Variants in FBXL7 observed in about 807,000 individuals in gnomAD.
The protein encoded by FBXL7 is F-box/LRR-repeat protein 7.
A neutral mutation model predicts 38.3 loss-of-function variants in FBXL7; 12 were observed. The ratio of observed to expected loss-of-function variants is 0.31; its 90% confidence interval spans 0.20 to 0.51. The LOEUF is 0.51. FBXL7 is among the 20% of genes least tolerant of loss of function. The probability of loss-of-function intolerance (pLI) is 0.98; values close to 1 mark genes in which losing one functional copy is unlikely to be tolerated. For synonymous variants in FBXL7, 297 were observed against 300.9 expected (o/e 0.99, Z 0.13); for missense variants, 567 against 676.4 (o/e 0.84, Z 1.79).
At chr5:15,818,255 A>C (rs1303016449) in intron 2 of FBXL7, among the ~76,000 whole-genome samples, 1 of 152,206 alleles carries the variant, frequency 6.6e-6, no homozygotes, top group African/African-American at 2.4e-5. Context: ...TAGACGCTAG[A>C]GATACAGTGG....
intron 1 of FBXL7, among the ~76,000 whole-genome samples, chr5:15,584,944 C>T (rs575684092): frequency 6.6e-6 from 1 of 152,324 alleles, no homozygotes; most frequent in Non-Finnish European, 1.5e-5. Context: ...CAATCACATA[C>T]TATTACAAAT....
At chr5:15,784,614 CAG>C (rs1737085443) in intron 2 of FBXL7, among the ~76,000 whole-genome samples, 1 of 151,976 alleles carries the variant, frequency 6.6e-6, no homozygotes, top group African/African-American at 2.4e-5. Flanking sequence ...CTTCATGAGA[CAG>C]GGGTTGAGTT....
chr5:15,592,140 A>C (rs770135218), intron 1 of FBXL7, among the ~76,000 whole-genome samples: 4 of 152,186 alleles, frequency 2.6e-5, no homozygotes, highest in Non-Finnish European at 5.9e-5. Flanking sequence ...TACTGTGTTC[A>C]TGCTCTGAGG....
chr5:15,788,240 G>A (rs924917260), intron 2 of FBXL7, among the ~76,000 whole-genome samples: 1 of 152,120 alleles, frequency 6.6e-6, no homozygotes, highest in Non-Finnish European at 1.5e-5. Flanking sequence ...AAAGAAGGTC[G>A]CATCCTGAGG....
intron 2 of FBXL7, among the ~76,000 whole-genome samples, chr5:15,722,681 G>A (rs1206806085): frequency 1.3e-5 from 2 of 152,134 alleles, no homozygotes; most frequent in Non-Finnish European, 2.9e-5. Context: ...CCAGCACTTC[G>A]GGAGGCCGAG....
intron 2 of FBXL7, among the ~76,000 whole-genome samples, chr5:15,769,452 T>C (rs1254862244): frequency 6.6e-6 from 1 of 152,198 alleles, no homozygotes; most frequent in Non-Finnish European, 1.5e-5. Context: ...GAAGCTTTAT[T>C]TTCTAGACTT....
At chr5:15,592,005 C>T (rs903481559) in intron 1 of FBXL7, among the ~76,000 whole-genome samples, 9 of 152,044 alleles carry the variant, frequency 5.9e-5, no homozygotes, top group African/African-American at 2.2e-4. Context: ...CCACCGTGCC[C>T]GAGGTTGGCC....
intron 1 of FBXL7, among the ~76,000 whole-genome samples, chr5:15,521,793 T>A (rs1737102234): frequency 6.6e-6 from 1 of 152,216 alleles, no homozygotes; most frequent in South Asian, 2.1e-4. Context: ...TTCTCCTGCG[T>A]GTACTTAACA....
intron 2 of FBXL7, among the ~76,000 whole-genome samples, chr5:15,703,928 T>C (rs1221362216): frequency 6.6e-6 from 1 of 152,242 alleles, no homozygotes; most frequent in Non-Finnish European, 1.5e-5. Context: ...ACATATGTCA[T>C]GCAGAGCATC....
At chr5:15,534,194 A>T (rs575524408) in intron 1 of FBXL7, among the ~76,000 whole-genome samples, 2 of 152,136 alleles carry the variant, frequency 1.3e-5, no homozygotes, top group African/African-American at 4.8e-5. Flanking sequence ...CCCAAAATCC[A>T]TAGTTTACAT....
intron 2 of FBXL7, among the ~76,000 whole-genome samples, chr5:15,865,684 C>T (rs1324966821): frequency 6.6e-6 from 1 of 152,048 alleles, no homozygotes; most frequent in African/African-American, 2.4e-5. Flanking sequence ...ATTTCTGTCT[C>T]CCTTTTTTCC....
chr5:15,674,788 A>AT (rs1742598736), intron 2 of FBXL7, among the ~76,000 whole-genome samples: 1 of 152,190 alleles, frequency 6.6e-6, no homozygotes, highest in African/African-American at 2.4e-5. Flanking sequence ...CCATCTGTGG[A>AT]TTTTAGTGTT....
chr5:15,897,312 G>A (rs911381293), intron 2 of FBXL7, among the ~76,000 whole-genome samples: 11 of 152,202 alleles, frequency 7.2e-5, no homozygotes, highest in Admixed American at 3.9e-4. Context: ...GCCTTTGTTC[G>A]TCTTACTCAT....
chr5:15,853,970 G>A (rs966685350), intron 2 of FBXL7, among the ~76,000 whole-genome samples: 4 of 152,180 alleles, frequency 2.6e-5, no homozygotes, highest in African/African-American at 9.7e-5. Context: ...CAGTGACAGC[G>A]ATGTAACAGA....
chr5:15,863,051 G>A (rs1739543887), intron 2 of FBXL7, among the ~76,000 whole-genome samples: 1 of 152,088 alleles, frequency 6.6e-6, no homozygotes, highest in Admixed American at 6.6e-5. Context: ...GGGGTATCTC[G>A]GTTGACTGCA....
At chr5:15,803,276 G>C (rs201838778) in intron 2 of FBXL7, among the ~76,000 whole-genome samples, 3 of 151,888 alleles carry the variant, frequency 2.0e-5, no homozygotes, top group South Asian at 4.2e-4. Context: ...GTCATTGTTC[G>C]GTATCACCCA....
chr5:15,881,000 C>G (rs1579562842), intron 2 of FBXL7, among the ~76,000 whole-genome samples: 1 of 151,834 alleles, frequency 6.6e-6, no homozygotes, highest in African/African-American at 2.4e-5. Flanking sequence ...CCCAAGCTAT[C>G]TGATTCCAGA....
At position 15,938,033 on chromosome 5, in the gene FBXL7, C is replaced by A. The variant is rs1241113291; in HGVS notation, c.*847C>A. On this transcript the variant is annotated 3_prime_UTR_variant, in exon 4 of 4. Transcript: ENST00000504595. ...TCAGGAGATTGTGCAGTGCCAGCAT[C>A]AGTGCATAAAGGGTCCTGTATGTCC... 1 of 152,230 alleles carries A rather than the reference C, an allele frequency of 6.6e-6. No individual in the cohort carries two copies. The highest frequency in any genetic ancestry group is 1.5e-5 in the Non-Finnish European group (1 of 68,068). The allele number at this position is 152,230 out of a possible 1,614,324, so 9.4% of individuals were successfully genotyped here.
chr5:15,606,167 T>C (rs866409430), intron 1 of FBXL7, among the ~76,000 whole-genome samples: 2 of 152,166 alleles, frequency 1.3e-5, no homozygotes, highest in Non-Finnish European at 2.9e-5. Flanking sequence ...ATCTTTTCTT[T>C]TTCTATTTTA....
Sources: allele counts gnomAD v4.1 joint callset (sites outside exome capture counted in the v4.1 genomes callset), GRCh38; gene constraint gnomAD v4.1.1; transcripts MANE v1.5; gene names NCBI Gene and HGNC (gene_info 2026-07-23, HGNC 2026-07-21).